XKR4: variants seen among roughly 807,000 people sequenced by gnomAD.
XKR4 encodes the protein XK related 4.
A neutral mutation model predicts 53.9 loss-of-function variants in XKR4; 12 were observed. The ratio of observed to expected loss-of-function variants is 0.22; its 90% CI spans 0.14 to 0.36. XKR4 has a LOEUF of 0.36. Ranked by LOEUF, XKR4 falls within the 10% of genes least tolerant of loss-of-function variation. The pLI, the probability that XKR4 is intolerant of heterozygous loss-of-function variation, is 1.00. For synonymous variants in XKR4, 354 were observed against 362.4 expected (o/e 0.98, Z 0.26); for missense variants, 799 against 859.5 (o/e 0.93, Z 0.88).
rs1804664398 is a variant in XKR4 at position 55,405,144 on chromosome 8, C to T, written c.1006+47267C>T. Among the ~76,000 whole-genome samples, 3 of 152,312 alleles carry T rather than the reference C, an allele frequency of 2.0e-5. No homozygotes were observed. In the South Asian group the frequency reaches 6.2e-4, roughly 32 times the overall value. Reference sequence around the variant, plus strand: ...GAGACACCAGTGCTAACCCAGCTCTCTTAACACCCGTCGGGCCAGAGGAGA... The same window carrying T: ...GAGACACCAGTGCTAACCCAGCTCTTTTAACACCCGTCGGGCCAGAGGAGA... On this transcript the variant is annotated intron_variant, in intron 2 of 2. Coordinates refer to ENST00000327381, the MANE Select transcript of XKR4 (RefSeq NM_052898.2).
At chr8:55,275,281 C>T (rs576990464) in intron 1 of XKR4, among the ~76,000 whole-genome samples, 87 of 152,010 alleles carry the variant, frequency 5.7e-4, no homozygotes, top group African/African-American at 2.0e-3. Flanking sequence ...TATCTTATAT[C>T]CTATTGTTAC....
At chr8:55,469,699 T>C (rs934817206) in intron 2 of XKR4, among the ~76,000 whole-genome samples, 4 of 152,074 alleles carry the variant, frequency 2.6e-5, no homozygotes, top group African/African-American at 9.7e-5. Context: ...CTGTACGGAA[T>C]CTTGGGAGGC....
rs1402474446 is a variant in XKR4, at chr8:55,524,717, A to T, written c.*490A>T. The T allele has an allele frequency of 5.2e-5, 8 of 153,448 alleles. No individual in the cohort carries two copies. In the East Asian group the frequency reaches 1.5e-3, roughly 30 times the overall value. The allele number at this position is 153,448 out of a possible 1,614,324, so 9.5% of individuals were successfully genotyped here. ...CACAGGAATATAAAAACAAAGAAAG[A>T]GGGAAACATCCCTCGAGAAAAAAAA... On this transcript the variant is annotated 3_prime_UTR_variant, in exon 3 of 3. Coordinates refer to ENST00000327381, the MANE Select transcript of XKR4 (RefSeq NM_052898.2).
intron 2 of XKR4, among the ~76,000 whole-genome samples, chr8:55,506,935 A>T (rs943909607): frequency 5.9e-5 from 9 of 151,650 alleles, no homozygotes; most frequent in African/African-American, 1.5e-4. Flanking sequence ...AACTCATTAA[A>T]TTTTTTTTTC....
rs112204588 is a variant in XKR4 at position 55,141,618 on chromosome 8, A to G, written c.806+38324A>G. On this transcript the variant is annotated intron_variant, in intron 1 of 2. Transcript: ENST00000327381. ...CTGCATCCGAGTGGGCCTGAGCTCT[A>G]CTTTCTGTCTCTCTTGGTGCTTCTG... Among the ~76,000 whole-genome samples, 87 of 127,534 alleles carry G rather than the reference A, an allele frequency of 6.8e-4. 1 individual carries two copies. The highest frequency in any genetic ancestry group is 2.5e-3 in the African/African-American group (85 of 33,520). 83.7% of individuals were successfully genotyped at this position (127,534 alleles called of 152,430 possible).
At chr8:55,131,100 G>A (rs1816547971) in intron 1 of XKR4, among the ~76,000 whole-genome samples, 1 of 151,914 alleles carries the variant, frequency 6.6e-6, no homozygotes, top group Non-Finnish European at 1.5e-5. Context: ...CGGAGGTTGA[G>A]GTGAGCTGAG....
chr8:55,342,598 T>C (rs1221391681), intron 1 of XKR4, among the ~76,000 whole-genome samples: 1 of 152,168 alleles, frequency 6.6e-6, no homozygotes, highest in Non-Finnish European at 1.5e-5. Flanking sequence ...ATCTCCCTGA[T>C]GCTCCTGGAA....
At chr8:55,474,849 A>C (rs896320444) in intron 2 of XKR4, among the ~76,000 whole-genome samples, 7 of 152,110 alleles carry the variant, frequency 4.6e-5, no homozygotes, top group Admixed American at 4.6e-4. Context: ...ACATTATCAG[A>C]GTGTTCTTCT....
Position 55,212,302 on chromosome 8 carries a change from C to G in XKR4, c.806+109008C>G, listed in dbSNP as rs528071010. On this transcript the variant is annotated intron_variant, in intron 1 of 2. Coordinates refer to ENST00000327381, the MANE Select transcript of XKR4 (RefSeq NM_052898.2). ...AAAGACATGGAAAATGAAGAAGATT[C>G]TCTGTGGAATGTAGATTTTCCCCAC... Among the ~76,000 whole-genome samples the G allele has an allele frequency of 2.6e-5, 4 of 152,300 alleles. No homozygotes were observed. In the East Asian group the frequency reaches 7.7e-4, roughly 29 times the overall value.
At chr8:55,467,093 G>A (rs1805786668) in intron 2 of XKR4, among the ~76,000 whole-genome samples, 1 of 152,088 alleles carries the variant, frequency 6.6e-6, no homozygotes, top group Non-Finnish European at 1.5e-5. Context: ...TCTGGGCACA[G>A]GGTCCTTCCC....
intron 1 of XKR4, among the ~76,000 whole-genome samples, chr8:55,294,219 C>A (rs900646581): frequency 9.9e-5 from 15 of 152,098 alleles, no homozygotes; most frequent in African/African-American, 3.6e-4. Context: ...CCTCCCAAGC[C>A]CTCTCTATCA....
chr8:55,386,089 C>G (rs1431077075), intron 2 of XKR4, among the ~76,000 whole-genome samples: 2 of 152,158 alleles, frequency 1.3e-5, no homozygotes, highest in Admixed American at 1.3e-4. Context: ...AATGAAATGT[C>G]AAGACATCAA....
chr8:55,463,377 G>T (rs13272147), intron 2 of XKR4, among the ~76,000 whole-genome samples: 59,958 of 149,410 alleles, frequency 0.4, 12,743 homozygotes, highest in East Asian at 0.52. Context: ...GAATGACTAC[G>T]GGGTACATAA....
intron 2 of XKR4, among the ~76,000 whole-genome samples, chr8:55,374,963 G>A (rs1804125483): frequency 6.6e-6 from 1 of 152,212 alleles, no homozygotes. Context: ...AGATGCAGCA[G>A]GAGCACTTTT....
At chr8:55,453,891 C>A in intron 2 of XKR4, 2 of 586,106 alleles carry the variant, frequency 3.4e-6, no homozygotes, top group South Asian at 1.5e-5. Context: ...ACCCCACACT[C>A]CAACACAAAG....
chr8:55,303,482 G>A (rs901421388), intron 1 of XKR4, among the ~76,000 whole-genome samples: 1 of 152,156 alleles, frequency 6.6e-6, no homozygotes, highest in African/African-American at 2.4e-5. Context: ...TCTCTGCCAG[G>A]CTTTGGTATC....
intron 1 of XKR4, among the ~76,000 whole-genome samples, chr8:55,229,485 A>T (rs1418288132): frequency 6.6e-6 from 1 of 152,266 alleles, no homozygotes; most frequent in Non-Finnish European, 1.5e-5. Context: ...GGCCTGGAAC[A>T]CAGGAAGTGC....
intron 1 of XKR4, among the ~76,000 whole-genome samples, chr8:55,315,955 C>T (rs1430219303): frequency 6.6e-6 from 1 of 152,178 alleles, no homozygotes; most frequent in Non-Finnish European, 1.5e-5. Flanking sequence ...AGAAGACTCA[C>T]TAATGAATCT....
intron 1 of XKR4, among the ~76,000 whole-genome samples, chr8:55,204,532 A>T (rs1260240387): frequency 6.6e-6 from 1 of 152,194 alleles, no homozygotes; most frequent in Non-Finnish European, 1.5e-5. Context: ...GCCAGATGTC[A>T]CCCACAAAGG....
Sources: allele counts gnomAD v4.1 joint callset (sites outside exome capture counted in the v4.1 genomes callset), GRCh38; gene constraint gnomAD v4.1.1; transcripts MANE v1.5; gene names NCBI Gene and HGNC (gene_info 2026-07-23, HGNC 2026-07-21).